The following HBP1 variants were observed in gnomAD, a reference collection of about 807,000 sequenced individuals.
HBP1 encodes the protein HMG box-containing protein 1.
A neutral mutation model predicts 62.6 loss-of-function variants in HBP1; 20 were observed. The ratio of observed to expected loss-of-function variants is 0.32; its 90% confidence interval spans 0.22 to 0.46. The LOEUF is 0.46. HBP1 is among the 20% of genes least tolerant of loss of function. The pLI is 1.00. For missense variants in HBP1, 480 were observed against 611.8 expected, an observed-to-expected ratio of 0.78 and a Z score of 2.27; for synonymous variants, 232 against 206.2, an observed-to-expected ratio of 1.12 and a Z score of -1.07.
intron 1 of HBP1, among the ~76,000 whole-genome samples, chr7:107,177,426 A>C (rs1470365286): frequency 6.6e-6 from 1 of 152,258 alleles, no homozygotes; most frequent in African/African-American, 2.4e-5. Context: ...GATAGCATCC[A>C]AAATAGAATA....
intron 1 of HBP1, among the ~76,000 whole-genome samples, chr7:107,171,940 AAAAT>A (rs969282154): frequency 1.3e-5 from 2 of 152,066 alleles, no homozygotes; most frequent in East Asian, 1.9e-4. Context: ...TTAGAATGGA[AAAAT>A]AAATCACAAT....
chr7:107,185,699 A>C (rs1411920272), intron 3 of HBP1, 102 bp from the exon 4 acceptor site: 2 of 831,192 alleles, frequency 2.4e-6, no homozygotes, highest in Non-Finnish European at 3.8e-6. Context: ...AAATGTGTTC[A>C]ATGTAATAAC....
chr7:107,189,900 A>G (rs191167091), intron 7 of HBP1: 86 of 302,496 alleles, frequency 2.8e-4, no homozygotes, highest in African/African-American at 1.7e-3. Flanking sequence ...GGAAGTGCTC[A>G]TTGTCATTGT....
intron 6 of HBP1, among the ~76,000 whole-genome samples, chr7:107,189,015 C>T (rs73187321): frequency 1.0e-3 from 155 of 152,258 alleles, no homozygotes; most frequent in Non-Finnish European, 1.6e-3. Flanking sequence ...ATCTCAGTTC[C>T]AGTTGGAATT....
chr7:107,183,670 A>G (rs1398520929), intron 3 of HBP1, among the ~76,000 whole-genome samples: 1 of 151,868 alleles, frequency 6.6e-6, no homozygotes, highest in African/African-American at 2.4e-5. Context: ...CTCTAGAGAT[A>G]CTTTTTTTTC....
In HBP1 at chr7:107,190,335, C is replaced by G; in HGVS notation, c.1067+18C>G. ...TTTAAAAGGTAATATTGGATTAATT[C>G]TTTGTTTTATTTTCCTCTTAAAGTT... On this transcript the variant is annotated intron_variant, in intron 8 of 10. Transcript: ENST00000222574. 1.9e-6 allele frequency: 3 copies of G among 1,563,784 alleles called. No individual in the cohort carries two copies. Among genetic ancestry groups the G allele is most frequent in the Non-Finnish European group, 2.6e-6 (3 of 1,142,202 alleles).
intron 10 of HBP1, chr7:107,200,584 C>T (rs1235718046): frequency 1.5e-5 from 4 of 258,214 alleles, no homozygotes; most frequent in African/African-American, 6.7e-5. Flanking sequence ...TGCAGTGTTT[C>T]TAGTTGGGTT....
intron 1 of HBP1, among the ~76,000 whole-genome samples, chr7:107,171,073 A>ATATATATATATATTTTTTTTTTTT: frequency 1.1e-5 from 1 of 87,194 alleles, no homozygotes. Context: ...ATATATATAT[A>ATATATATATATATTTTTTTTTTTT]TTTTTTTTTT....
chr7:107,175,457 C>T (rs943565716), intron 1 of HBP1, among the ~76,000 whole-genome samples: 2 of 152,082 alleles, frequency 1.3e-5, no homozygotes, highest in Non-Finnish European at 1.5e-5. Flanking sequence ...ACTCAGGCAG[C>T]CTGATTTCAG....
chr7:107,175,235 T>G (rs1796777167), intron 1 of HBP1, among the ~76,000 whole-genome samples: 1 of 152,184 alleles, frequency 6.6e-6, no homozygotes, highest in African/African-American at 2.4e-5. Flanking sequence ...GGTTCTTCAT[T>G]GTCTGATAAT....
At position 107,182,372 on chromosome 7, in the gene HBP1, G is replaced by T. The variant is rs1282843788; in HGVS notation, c.170-1G>T. On this transcript the variant is annotated splice_acceptor_variant, in intron 2 of 10. Coordinates refer to ENST00000222574, the MANE Select transcript of HBP1 (RefSeq NM_012257.4). LOFTEE classifies it high-confidence loss of function. ...ATGATTTTGAGTGTGCTTATTTGCAGATGACCTTCCTGAACTTCAGGCAGT... is the reference window on the plus strand; with the variant it reads ...ATGATTTTGAGTGTGCTTATTTGCATATGACCTTCCTGAACTTCAGGCAGT... 2 of 1,568,452 alleles carry T rather than the reference G, an allele frequency of 1.3e-6. No individual in the cohort carries two copies. The highest frequency in any genetic ancestry group is 1.8e-6 in the Non-Finnish European group (2 of 1,138,826).
At chr7:107,186,156 C>CTTTTTTTTTTTTTTT (rs946488645) in intron 4 of HBP1, among the ~76,000 whole-genome samples, 3 of 127,274 alleles carry the variant, frequency 2.4e-5, no homozygotes, top group Non-Finnish European at 5.0e-5. Flanking sequence ...TCTTTTTTTT[C>CTTTTTTTTTTTTTTT]TTTTTTTTTC....
intron 2 of HBP1, among the ~76,000 whole-genome samples, chr7:107,182,023 T>C (rs1797129856): frequency 6.6e-6 from 1 of 152,182 alleles, no homozygotes; most frequent in Non-Finnish European, 1.5e-5. Flanking sequence ...ATATTATCAT[T>C]ATGGAAATTA....
At position 107,195,870 on chromosome 7, in the gene HBP1, T is replaced by C; in HGVS notation, c.1104T>C (p.Tyr368=). Residue 368 remains tyrosine, a synonymous_variant, in exon 9 of 11, where the codon TAT becomes TAC. Coordinates refer to ENST00000222574, the MANE Select transcript of HBP1 (RefSeq NM_012257.4). Reference sequence around the variant, plus strand: ...CACCTATGGATTCTTCTGCAGTTTATGTGTTAAGTAGTATGGCTCGCCAGC... The same window carrying C: ...CACCTATGGATTCTTCTGCAGTTTACGTGTTAAGTAGTATGGCTCGCCAGC... ...DFTPMDSSAV[Y]VLSSMARQRR... The C allele has an allele frequency of 1.9e-6, 3 of 1,609,048 alleles. No individual in the cohort carries two copies. The highest frequency in any genetic ancestry group is 2.6e-6 in the Non-Finnish European group (3 of 1,175,538).
intron 8 of HBP1, among the ~76,000 whole-genome samples, chr7:107,190,523 T>C (rs1008409010): frequency 6.6e-6 from 1 of 152,168 alleles, no homozygotes; most frequent in African/African-American, 2.4e-5. Context: ...GTAGTTGTCA[T>C]ATAGGAAAAT....
chr7:107,199,398 A>G (rs1451498409), intron 9 of HBP1, among the ~76,000 whole-genome samples: 2 of 152,216 alleles, frequency 1.3e-5, no homozygotes, highest in African/African-American at 2.4e-5. Flanking sequence ...TTGGTTTATA[A>G]TTAAGGAAAA....
rs542538273 is a variant in HBP1 at position 107,190,969 on chromosome 7, A to G, written c.1067+652A>G. On this transcript the variant is annotated intron_variant, in intron 8 of 10. Coordinates refer to ENST00000222574, the MANE Select transcript of HBP1 (RefSeq NM_012257.4). ...GCACTGAAAGTCTAGCTTTCAGGAA[A>G]CCCCTCAGTCCTAGACAAACTGGAA... 5.1e-4 allele frequency among the ~76,000 whole-genome samples: 78 copies of G among 152,138 alleles called. 2 individuals carry two copies. Among genetic ancestry groups the G allele is most frequent in the African/African-American group, 1.7e-3 (70 of 41,508 alleles).
At chr7:107,196,589 G>GT (rs1363700516) in intron 9 of HBP1, 4 of 252,254 alleles carry the variant, frequency 1.6e-5, no homozygotes, top group Admixed American at 5.2e-5. Flanking sequence ...AAAGTAAAAA[G>GT]TTTAAGTGGA....
chr7:107,185,791 T>G lies in HBP1; in HGVS notation c.399-10T>G. The G allele has an allele frequency of 6.2e-7, 1 of 1,609,064 alleles. No individual in the cohort carries two copies. Among genetic ancestry groups the G allele is most frequent in the South Asian group, 1.1e-5 (1 of 90,652 alleles). On this transcript the variant is annotated splice_polypyrimidine_tract_variant and intron_variant, in intron 3 of 10. Transcript: ENST00000222574. ...CTATGCTTATGGTTGAAACTGTTGC[T>G]TTATTTTAGATCATCTCCTGTACAC...
Sources: gnomAD v4.1 joint callset for allele counts (sites outside exome capture counted in the v4.1 genomes callset) on GRCh38, gnomAD v4.1.1 for gene constraint, MANE v1.5 for transcripts, NCBI Gene and HGNC (gene_info 2026-07-23, HGNC 2026-07-21) for gene names.